Variants in RBL2 observed in about 807,000 individuals in gnomAD.
RBL2 encodes the protein retinoblastoma-like protein 2.
Under a neutral mutation model 126.0 loss-of-function variants are expected in RBL2, and 56 were observed. The ratio of observed to expected loss-of-function variants is 0.44; its 90% CI spans 0.36 to 0.56. RBL2 has a LOEUF of 0.56. Ranked by LOEUF, RBL2 falls within the 20% of genes least tolerant of loss-of-function variation. The pLI, the probability that RBL2 is intolerant of heterozygous loss-of-function variation, is 0.00. For missense variants in RBL2, 1,229 were observed against 1,398.2 expected (o/e 0.88, Z 1.93); for synonymous variants, 454 against 478.5 (o/e 0.95, Z 0.67).
intron 1 of RBL2, chr16:53,435,720 G>A (rs536296994): frequency 7.8e-7 from 1 of 1,289,000 alleles, no homozygotes; most frequent in Non-Finnish European, 1.0e-6. Flanking sequence ...GGGCAAATAG[G>A]TCCAGGATGC....
chr16:53,436,351 G>A (rs928785123), intron 1 of RBL2, among the ~76,000 whole-genome samples: 24 of 152,144 alleles, frequency 1.6e-4, no homozygotes, highest in African/African-American at 5.8e-4. Flanking sequence ...TCACGTAATA[G>A]CTGGTTAGTA....
rs767984524 is a variant in RBL2, at chr16:53,462,665, A to G, written c.1560+10A>G. 2.0e-6 allele frequency: 3 copies of G among 1,464,758 alleles called. No individual in the cohort carries two copies. Among genetic ancestry groups the G allele is most frequent in the East Asian group, 4.7e-5 (2 of 42,664 alleles). 90.7% of individuals were successfully genotyped at this position (1,464,758 alleles called of 1,614,324 possible). A position where few individuals can be genotyped will look rare whatever the true frequency, so the allele number is the denominator to read the frequency against. On this transcript the variant is annotated intron_variant, in intron 11 of 21. Coordinates refer to ENST00000262133, the MANE Select transcript of RBL2 (RefSeq NM_005611.4). ...AGACATGGATTTATCTGTGAGTAAAATAACCAATGTATTGATCAGCGCAAT... is the reference window on the plus strand; with the variant it reads ...AGACATGGATTTATCTGTGAGTAAAGTAACCAATGTATTGATCAGCGCAAT...
chr16:53,437,934 G>A (rs550892207), intron 1 of RBL2, among the ~76,000 whole-genome samples: 1 of 152,118 alleles, frequency 6.6e-6, no homozygotes, highest in East Asian at 1.9e-4. Flanking sequence ...GGCTGAGGCA[G>A]GAGAATGGTG....
At chr16:53,451,930 C>A in intron 5 of RBL2, 99 bp downstream of exon 5, 1 of 1,364,406 alleles carries the variant, frequency 7.3e-7, no homozygotes, top group South Asian at 1.3e-5. Flanking sequence ...TTTTGAAGAG[C>A]TCCTGTCATT....
chr16:53,439,205 T>G, intron 2 of RBL2, 59 bp downstream of exon 2: 1 of 1,382,266 alleles, frequency 7.2e-7, no homozygotes, highest in Non-Finnish European at 9.6e-7. Flanking sequence ...TAAATCATAG[T>G]GATAGTAAGA....
At chr16:53,489,439 T>C (rs1961310142) in intron 21 of RBL2, 2 of 152,332 alleles carry the variant, frequency 1.3e-5, no homozygotes, top group Non-Finnish European at 1.5e-5. Context: ...CAGAAAATAA[T>C]GTGACAGACG....
At chr16:53,457,611 T>C (rs1352623287) in intron 8 of RBL2, among the ~76,000 whole-genome samples, 3 of 152,190 alleles carry the variant, frequency 2.0e-5, no homozygotes, top group East Asian at 1.9e-4. Flanking sequence ...GAGGTATGAA[T>C]TGAGAGAGAA....
chr16:53,447,309 T>C (rs2058071697), intron 4 of RBL2, among the ~76,000 whole-genome samples: 1 of 152,034 alleles, frequency 6.6e-6, no homozygotes, highest in Admixed American at 6.6e-5. Flanking sequence ...TCTTCTCTTA[T>C]TAAATGGAAA....
At chr16:53,451,975 G>A (rs756049355) in intron 5 of RBL2, 144 bp downstream of exon 5, 4 of 903,300 alleles carry the variant, frequency 4.4e-6, no homozygotes, top group Non-Finnish European at 6.5e-6. Context: ...TAAGAGTCAA[G>A]CTGCCTGTAA....
chr16:53,465,050 C>A (rs571934592), intron 12 of RBL2, among the ~76,000 whole-genome samples: 2 of 152,166 alleles, frequency 1.3e-5, no homozygotes, highest in Non-Finnish European at 2.9e-5. Context: ...GCCACGGCCC[C>A]CCAGAGTGCT....
rs577938920 is a variant in RBL2, at chr16:53,472,779, G to C, written c.2703+1857G>C. On this transcript the variant is annotated intron_variant, in intron 17 of 21. Transcript: ENST00000262133. ...TTTTTTGGTTTGTTACTTGCACTTTGGGTGTCCTAAGAATCCATTACCAAA... is the reference window on the plus strand; with the variant it reads ...TTTTTTGGTTTGTTACTTGCACTTTCGGTGTCCTAAGAATCCATTACCAAA... Among the ~76,000 whole-genome samples, 5 of 152,158 alleles carry C rather than the reference G, an allele frequency of 3.3e-5. No individual in the cohort carries two copies. The East Asian group carries it at 9.6e-4, about 29-fold the overall frequency.
At chr16:53,454,545 T>G in intron 7 of RBL2, 111 bp from the exon 8 acceptor site, 2 of 1,054,008 alleles carry the variant, frequency 1.9e-6, no homozygotes, top group Non-Finnish European at 2.7e-6. Flanking sequence ...CTACCAAAGT[T>G]TAACTTTCAA....
chr16:53,446,301 C>A (rs534185747), intron 3 of RBL2, among the ~76,000 whole-genome samples: 1 of 150,334 alleles, frequency 6.7e-6, no homozygotes, highest in African/African-American at 2.5e-5. Flanking sequence ...GTAGAGTAAT[C>A]TTTTGACAGA....
At chr16:53,445,557 G>A (rs1007435463) in intron 3 of RBL2, among the ~76,000 whole-genome samples, 7 of 152,202 alleles carry the variant, frequency 4.6e-5, no homozygotes, top group African/African-American at 1.7e-4. Context: ...TAGCCGCAGA[G>A]AGGTTAAGTA....
chr16:53,484,034 G>C (rs933442581), intron 21 of RBL2, among the ~76,000 whole-genome samples: 1 of 151,376 alleles, frequency 6.6e-6, no homozygotes, highest in South Asian at 2.1e-4. Flanking sequence ...TGAATAAGAA[G>C]ACCAAATATT....
intron 12 of RBL2, 147 bp downstream of exon 12, chr16:53,464,510 T>C (rs2058253207): frequency 1.5e-6 from 1 of 683,176 alleles, no homozygotes; most frequent in Non-Finnish European, 2.2e-6. Flanking sequence ...AGAAAAGAAA[T>C]AGAATCTTAA....
intron 1 of RBL2, among the ~76,000 whole-genome samples, chr16:53,438,558 A>G (rs539101684): frequency 1.7e-4 from 26 of 152,198 alleles, no homozygotes; most frequent in South Asian, 4.1e-4. Flanking sequence ...AGAAGAGCCT[A>G]CGGGGCTGGG....
At chr16:53,459,665 T>C in intron 9 of RBL2, 48 bp downstream of exon 9, 3 of 1,464,872 alleles carry the variant, frequency 2.0e-6, no homozygotes, top group Non-Finnish European at 2.7e-6. Context: ...ATTGACCATT[T>C]TCCAATTTCC....
rs146234969 is a variant in RBL2 at position 53,485,856 on chromosome 16, AAAAAAC to A, written c.3249+4039_3249+4044del. Among the ~76,000 whole-genome samples, 425 of 135,686 alleles carry A rather than the reference AAAAAAC, an allele frequency of 3.1e-3. 8 individuals carry two copies. In the East Asian group the frequency reaches 0.036, roughly 12 times the overall value. 89.0% of individuals were successfully genotyped at this position (135,686 alleles called of 152,430 possible). ...GAGTGACAGAATGAGACCATCTAAA[AAAAAAC>A]AAAAACAAAAACAAAAAACCACCTA... On this transcript the variant is annotated intron_variant, in intron 21 of 21. Coordinates refer to ENST00000262133, the MANE Select transcript of RBL2 (RefSeq NM_005611.4).
Sources: allele counts gnomAD v4.1 joint callset (sites outside exome capture counted in the v4.1 genomes callset), GRCh38; gene constraint gnomAD v4.1.1; transcripts MANE v1.5; gene names NCBI Gene and HGNC (gene_info 2026-07-23, HGNC 2026-07-21).